The following SCARA3 variants were observed in gnomAD, a reference collection of about 807,000 sequenced individuals.
SCARA3 encodes the protein scavenger receptor class A member 3, also known as cellular stress response gene protein.
In SCARA3, 39 loss-of-function variants were observed where a neutral mutation model predicts 47.0. That is an observed-to-expected ratio of 0.83 (90% CI 0.64 to 1.08). The LOEUF (loss-of-function observed/expected upper bound fraction) is 1.08, where lower values mean the gene tolerates loss of function less well. Among genes scored for constraint, SCARA3 ranks in the 50% least tolerant of loss-of-function variants. The pLI, the probability that SCARA3 is intolerant of heterozygous loss-of-function variation, is 0.00. For synonymous variants in SCARA3, 356 were observed against 334.1 expected (o/e 1.07, Z -0.71); for missense variants, 724 against 792.3 (o/e 0.91, Z 1.04).
chr8:27,650,091 C>T (rs1338725015), intron 2 of SCARA3, among the ~76,000 whole-genome samples: 2 of 152,266 alleles, frequency 1.3e-5, no homozygotes, highest in South Asian at 2.1e-4. Context: ...TTCCTGGGCT[C>T]GAGTGATCCT....
intron 3 of SCARA3, among the ~76,000 whole-genome samples, chr8:27,652,260 T>C (rs1055973505): frequency 5.9e-5 from 9 of 152,234 alleles, no homozygotes; most frequent in African/African-American, 2.2e-4. Flanking sequence ...GTAGTTGACC[T>C]AGGTCACAGC....
At chr8:27,732,593 C>T in the SCARA3 span, among the ~76,000 whole-genome samples, 1 of 152,210 alleles carries the variant, frequency 6.6e-6, no homozygotes, top group Admixed American at 6.5e-5. Context: ...TTTCACTGCA[C>T]TGCTAAGTCA....
chr8:27,648,547 T>G (rs111789130), intron 1 of SCARA3, among the ~76,000 whole-genome samples: 1,649 of 151,622 alleles, frequency 0.011, 27 homozygotes, highest in African/African-American at 0.038. Context: ...GAGCTTGCAG[T>G]GAGCCGAGAT....
chr8:27,650,477 G>A (rs1468047895), intron 2 of SCARA3, among the ~76,000 whole-genome samples: 1 of 152,198 alleles, frequency 6.6e-6, no homozygotes, highest in African/African-American at 2.4e-5. Context: ...TGGGGTCTCA[G>A]TGACTTTGGT....
chr8:27,672,768 C>T lies in SCARA3; in HGVS notation c.*1417C>T, dbSNP rs1367569031. 2 of 985,442 alleles carry T rather than the reference C, an allele frequency of 2.0e-6. No individual in the cohort carries two copies. The highest frequency in any genetic ancestry group is 3.5e-5 in the African/African-American group (2 of 57,242). 61.0% of individuals were successfully genotyped at this position (985,442 alleles called of 1,614,324 possible). A position where few individuals can be genotyped will look rare whatever the true frequency, so the allele number is the denominator to read the frequency against. Reference sequence around the variant, plus strand: ...TGGCTACACTCTAAAGCTGCTTTGCCTTCATGTTCAAACAGATTCAGGCAC... The same window carrying T: ...TGGCTACACTCTAAAGCTGCTTTGCTTTCATGTTCAAACAGATTCAGGCAC... On this transcript the variant is annotated 3_prime_UTR_variant, in exon 6 of 6. Transcript: ENST00000301904.
At chr8:27,673,193 C>T (rs994549615), downstream of SCARA3, among the ~76,000 whole-genome samples, 1 of 152,180 alleles carries the variant, frequency 6.6e-6, no homozygotes, top group African/African-American at 2.4e-5. Context: ...GGACCAAGAG[C>T]GTCTGAGGGA....
At chr8:27,673,913 A>T (rs1802221630), downstream of SCARA3, among the ~76,000 whole-genome samples, 1 of 152,098 alleles carries the variant, frequency 6.6e-6, no homozygotes, top group African/African-American at 2.4e-5. Flanking sequence ...CAAGTCTCTT[A>T]CTTCTCATGG....
the SCARA3 span, among the ~76,000 whole-genome samples, chr8:27,717,271 T>A: frequency 6.6e-6 from 1 of 152,200 alleles, no homozygotes; most frequent in Non-Finnish European, 1.5e-5. Flanking sequence ...CATAGCTAGA[T>A]ACAGATACAG....
rs781689628 is a variant in SCARA3 at position 27,671,724 on chromosome 8, G to GCA, written c.*382_*383dup. 9.6e-7 allele frequency: 1 copy of GCA among 1,039,694 alleles called. No individual in the cohort carries two copies. The highest frequency in any genetic ancestry group is 1.2e-6 in the Non-Finnish European group (1 of 865,546). 64.4% of individuals were successfully genotyped at this position (1,039,694 alleles called of 1,614,324 possible). On this transcript the variant is annotated 3_prime_UTR_variant, in exon 6 of 6. Coordinates refer to ENST00000301904, the MANE Select transcript of SCARA3 (RefSeq NM_016240.3). ...CACACATGCATGCACACATACACAT[G>GCA]CACACACACATGCACACATATATGC... is the stretch of plus-strand genomic sequence containing the variant.
chr8:27,675,341 G>T (rs1185994698), downstream of SCARA3, among the ~76,000 whole-genome samples: 2 of 152,262 alleles, frequency 1.3e-5, no homozygotes. Context: ...GTGGGGCTGG[G>T]CTAGGCTGGG....
intron 4 of SCARA3, 114 bp from the exon 5 acceptor site, chr8:27,658,382 G>A: frequency 1.1e-6 from 1 of 921,246 alleles, no homozygotes; most frequent in Non-Finnish European, 1.6e-6. Flanking sequence ...CTGGAAGGAA[G>A]TTGGTTTGGG....
In SCARA3 at chr8:27,634,863, A is replaced by T. The variant is rs562997795; in HGVS notation, c.7+656A>T. Among the ~76,000 whole-genome samples the T allele has an allele frequency of 2.6e-5, 4 of 152,194 alleles. No homozygotes were observed. The East Asian group carries it at 7.8e-4, about 29-fold the overall frequency. ...TTCTTGGGATGGAAATAAGAACCAG[A>T]CATGATCCCAAGTGGCCATTTCCAG... is the stretch of plus-strand genomic sequence containing the variant. On this transcript the variant is annotated intron_variant, in intron 1 of 5. Transcript: ENST00000301904.
At chr8:27,704,876 G>A in the SCARA3 span, among the ~76,000 whole-genome samples, 1 of 152,282 alleles carries the variant, frequency 6.6e-6, no homozygotes, top group Non-Finnish European at 1.5e-5. Flanking sequence ...CTGGAGATGG[G>A]AGGGAGTCTT....
At chr8:27,718,810 G>C in the SCARA3 span, among the ~76,000 whole-genome samples, 1 of 152,172 alleles carries the variant, frequency 6.6e-6, no homozygotes, top group African/African-American at 2.4e-5. Context: ...TCTCCTTCTT[G>C]AAGGTAATGT....
At chr8:27,722,127 T>C in the SCARA3 span, among the ~76,000 whole-genome samples, 1 of 152,128 alleles carries the variant, frequency 6.6e-6, no homozygotes, top group Non-Finnish European at 1.5e-5. Context: ...TAAATCTAGA[T>C]GTAAGGATGA....
chr8:27,676,475 C>G, downstream of SCARA3: 1 of 1,448,332 alleles, frequency 6.9e-7, no homozygotes, highest in Non-Finnish European at 9.5e-7. Context: ...TCCCTAAGCC[C>G]AAAGTCTCCA....
chr8:27,681,820 T>C, the SCARA3 span, among the ~76,000 whole-genome samples: 8 of 152,256 alleles, frequency 5.3e-5, no homozygotes, highest in Non-Finnish European at 1.2e-4. Flanking sequence ...ACCATGTTCA[T>C]GGATGATATA....
chr8:27,689,456 C>T, the SCARA3 span, among the ~76,000 whole-genome samples: 3 of 152,196 alleles, frequency 2.0e-5, no homozygotes, highest in Non-Finnish European at 4.4e-5. Flanking sequence ...ACTGACCCAA[C>T]GCGATGCTGG....
the SCARA3 span, among the ~76,000 whole-genome samples, chr8:27,696,382 C>G: frequency 6.6e-6 from 1 of 152,140 alleles, no homozygotes; most frequent in Non-Finnish European, 1.5e-5. Flanking sequence ...ACCACTGAAT[C>G]TCATCAGAAA....
Sources: gnomAD v4.1 joint callset for allele counts (sites outside exome capture counted in the v4.1 genomes callset) on GRCh38, gnomAD v4.1.1 for gene constraint, MANE v1.5 for transcripts, NCBI Gene and HGNC (gene_info 2026-07-23, HGNC 2026-07-21) for gene names.